Variants in PGBD5 observed in about 807,000 individuals in gnomAD.
The protein encoded by PGBD5 is piggyBac transposable element derived 5, also known as piggyBac transposable element-derived protein 5.
A neutral mutation model predicts 47.9 loss-of-function variants in PGBD5; 14 were observed. That is an observed-to-expected ratio of 0.29 (90% CI 0.19 to 0.46). PGBD5 has a LOEUF of 0.46. Ranked by LOEUF, PGBD5 falls within the 20% of genes least tolerant of loss-of-function variation. The probability of loss-of-function intolerance (pLI) is 1.00; values close to 1 mark genes in which losing one functional copy is unlikely to be tolerated. For synonymous variants in PGBD5, 316 were observed against 306.3 expected (o/e 1.03, Z -0.33); for missense variants, 635 against 716.0 (o/e 0.89, Z 1.29).
intron 1 of PGBD5, among the ~76,000 whole-genome samples, chr1:230,379,483 C>T (rs749038964): frequency 4.6e-5 from 7 of 152,378 alleles, no homozygotes; most frequent in Non-Finnish European, 8.8e-5. Flanking sequence ...CAATTCTCAT[C>T]ATACCATACC....
In PGBD5 at chr1:230,356,970, C is replaced by G. The variant is rs1425450173; in HGVS notation, c.683G>C (p.Gly228Ala). 1 of 1,614,060 alleles carries G rather than the reference C, an allele frequency of 6.2e-7. No individual in the cohort carries two copies. The highest frequency in any genetic ancestry group is 8.5e-7 in the Non-Finnish European group (1 of 1,180,052). The part of the protein sequence containing the change: ...VAFRSSQTTH[G>A]LYKVQPFLDS... ...GAGGAAGGGCTGGACCTTGTAGAGC[C>G]CGTGCGTGGTCTGGCTGGAGCGGAA... Residue 228 changes from glycine (G) to alanine (A), a missense_variant, in exon 2 of 7, where the codon GGG becomes GCG. Gly to Ala is a moderately conservative substitution (Grantham distance 60). Coordinates refer to ENST00000391860, the MANE Select transcript of PGBD5 (RefSeq NM_001258311.2).
At chr1:230,324,510 G>A (rs1412561538) in intron 6 of PGBD5, among the ~76,000 whole-genome samples, 1 of 152,172 alleles carries the variant, frequency 6.6e-6, no homozygotes, top group Non-Finnish European at 1.5e-5. Flanking sequence ...CACAGGCTGA[G>A]TTTTCCAGAG....
chr1:230,390,865 G>A lies in PGBD5; in HGVS notation c.332-33544C>T, dbSNP rs192349504. ...AGCGATTCTCATGTCTCAGCCTCCC[G>A]AATAGCTAGGATTACAGGAACGCAC... On this transcript the variant is annotated intron_variant, in intron 1 of 6. Coordinates refer to ENST00000391860, the MANE Select transcript of PGBD5 (RefSeq NM_001258311.2). 3.0e-3 allele frequency among the ~76,000 whole-genome samples: 460 copies of A among 152,112 alleles called. 1 individual carries two copies. The highest frequency in any genetic ancestry group is 5.1e-3 in the Non-Finnish European group (345 of 67,994).
chr1:230,379,339 C>T (rs1668058721), intron 1 of PGBD5, among the ~76,000 whole-genome samples: 2 of 152,214 alleles, frequency 1.3e-5, no homozygotes, highest in South Asian at 4.1e-4. Flanking sequence ...TCAAATTACT[C>T]TCTCCAAGTC....
chr1:230,387,160 G>A (rs919761774), intron 1 of PGBD5, among the ~76,000 whole-genome samples: 3 of 152,140 alleles, frequency 2.0e-5, no homozygotes, highest in Non-Finnish European at 2.9e-5. Context: ...GGTATGTGGA[G>A]TGTCACTTAC....
chr1:230,329,774 AAAC>A (rs975352102), intron 5 of PGBD5, among the ~76,000 whole-genome samples: 5 of 152,226 alleles, frequency 3.3e-5, no homozygotes, highest in Non-Finnish European at 7.3e-5. Context: ...CCTGGCCACT[AAAC>A]AACAACAAGA....
chr1:230,329,301 T>C (rs1667177312), intron 5 of PGBD5, among the ~76,000 whole-genome samples: 1 of 152,186 alleles, frequency 6.6e-6, no homozygotes, highest in Non-Finnish European at 1.5e-5. Context: ...CATATGCTCA[T>C]ACTCTGTGAC....
intron 6 of PGBD5, among the ~76,000 whole-genome samples, chr1:230,324,358 C>T (rs1299593750): frequency 6.6e-6 from 1 of 152,228 alleles, no homozygotes; most frequent in African/African-American, 2.4e-5. Flanking sequence ...AGCAAGGTGC[C>T]AGTACATAGT....
rs1335145136 is a variant in PGBD5, at chr1:230,314,558, A to G, written c.*8867T>C. 1.3e-5 allele frequency: 2 copies of G among 149,428 alleles called. No homozygotes were observed. Among genetic ancestry groups the G allele is most frequent in the East Asian group, 4.0e-4 (2 of 5,000 alleles). 9.3% of individuals were successfully genotyped at this position (149,428 alleles called of 1,614,324 possible). A position where few individuals can be genotyped will look rare whatever the true frequency, so the allele number is the denominator to read the frequency against. On this transcript the variant is annotated 3_prime_UTR_variant, in exon 7 of 7. Coordinates refer to ENST00000391860, the MANE Select transcript of PGBD5 (RefSeq NM_001258311.2). ...ACTTGGTTGAAGAAATAAGAACCACATGACAAAATGCTTGAATTAAATCTT... is the reference window on the plus strand; with the variant it reads ...ACTTGGTTGAAGAAATAAGAACCACGTGACAAAATGCTTGAATTAAATCTT...
Position 230,316,433 on chromosome 1 carries a change from C to T in PGBD5, c.*6992G>A, listed in dbSNP as rs1178684734. 1.3e-5 allele frequency: 2 copies of T among 152,202 alleles called. No homozygotes were observed. The highest frequency in any genetic ancestry group is 2.9e-5 in the Non-Finnish European group (2 of 68,050). 9.4% of individuals were successfully genotyped at this position (152,202 alleles called of 1,614,324 possible). ...ATTGTTCTGGGCCCATCTTTCCAAT[C>T]TATTGAAATAATAGGGACTGCATCC... On this transcript the variant is annotated 3_prime_UTR_variant, in exon 7 of 7. Transcript: ENST00000391860.
At chr1:230,407,834 G>A (rs921578744) in intron 1 of PGBD5, among the ~76,000 whole-genome samples, 3 of 152,060 alleles carry the variant, frequency 2.0e-5, no homozygotes, top group East Asian at 3.9e-4. Flanking sequence ...AATTATAATC[G>A]GGGCAACATC....
At chr1:230,401,824 T>C (rs1052933327) in intron 1 of PGBD5, among the ~76,000 whole-genome samples, 2 of 152,106 alleles carry the variant, frequency 1.3e-5, no homozygotes, top group Non-Finnish European at 2.9e-5. Context: ...GGCGCGCTGC[T>C]CACCTCCCCA....
At chr1:230,366,965 C>T (rs894314615) in intron 1 of PGBD5, among the ~76,000 whole-genome samples, 25 of 152,128 alleles carry the variant, frequency 1.6e-4, no homozygotes, top group African/African-American at 3.6e-4. Context: ...ACCAAAAGGA[C>T]GGCAGAAGTG....
rs572062806 is a variant in PGBD5, at chr1:230,315,791, T to A, written c.*7634A>T. On this transcript the variant is annotated 3_prime_UTR_variant, in exon 7 of 7. Coordinates refer to ENST00000391860, the MANE Select transcript of PGBD5 (RefSeq NM_001258311.2). ...TTATAGATGTATGCATATATGTATA[T>A]ATGTATACATATATGTATATGTGCA... is the stretch of plus-strand genomic sequence containing the variant. 1.7e-4 allele frequency: 25 copies of A among 144,420 alleles called. 1 individual carries two copies. The highest frequency in any genetic ancestry group is 5.4e-4 in the African/African-American group (22 of 40,472). The allele number at this position is 144,420 out of a possible 1,614,324, so 8.9% of individuals were successfully genotyped here.
intron 4 of PGBD5, 51 bp downstream of exon 4, chr1:230,337,057 T>C (rs977034458): frequency 3.2e-6 from 5 of 1,580,930 alleles, no homozygotes; most frequent in Non-Finnish European, 2.6e-6. Context: ...CTCCCACCAC[T>C]TTCCCAGGGG....
intron 1 of PGBD5, among the ~76,000 whole-genome samples, chr1:230,383,708 T>C (rs1656568015): frequency 6.6e-6 from 1 of 152,036 alleles, no homozygotes; most frequent in Non-Finnish European, 1.5e-5. Context: ...AGACTCCCAA[T>C]TCCTCAAAGT....
intron 1 of PGBD5, among the ~76,000 whole-genome samples, chr1:230,421,265 C>T (rs910331886): frequency 4.6e-5 from 7 of 152,188 alleles, no homozygotes; most frequent in African/African-American, 1.7e-4. Context: ...TTTGTGGTAT[C>T]GATTACACAA....
intron 2 of PGBD5, among the ~76,000 whole-genome samples, chr1:230,351,860 A>G (rs1667564654): frequency 1.3e-5 from 2 of 152,208 alleles, no homozygotes; most frequent in South Asian, 2.1e-4. Flanking sequence ...ACTTTTCCCA[A>G]TGATAAGACA....
At chr1:230,422,571 C>G (rs1373353498) in intron 1 of PGBD5, among the ~76,000 whole-genome samples, 1 of 152,182 alleles carries the variant, frequency 6.6e-6, no homozygotes, top group Non-Finnish European at 1.5e-5. Context: ...GCCCGACAAG[C>G]ATAGCGTGTG....
Sources: allele counts gnomAD v4.1 joint callset (sites outside exome capture counted in the v4.1 genomes callset), GRCh38; gene constraint gnomAD v4.1.1; transcripts MANE v1.5; gene names NCBI Gene and HGNC (gene_info 2026-07-23, HGNC 2026-07-21).